The following SPATA31H1 variants were observed in gnomAD, a reference collection of about 807,000 sequenced individuals.
SPATA31H1 encodes SPATA31 subfamily H member 1.
the SPATA31H1 span, chr2:27,578,991 A>T: frequency 6.2e-6 from 10 of 1,614,060 alleles, no homozygotes; most frequent in Non-Finnish European, 8.5e-6. Context: ...GACAGCTAAC[A>T]TTGTGGAAAA....
chr2:27,575,038 A>C, the SPATA31H1 span: 8 of 398,456 alleles, frequency 2.0e-5, no homozygotes, highest in African/African-American at 6.2e-5. The surrounding 1 kb of genome is among the most constrained non-coding windows in gnomAD (Gnocchi z 4.1). Context: ...TCAACTTCAC[A>C]GTTACAAGAT....
chr2:27,580,707 A>C, the SPATA31H1 span: 1 of 1,614,242 alleles, frequency 6.2e-7, no homozygotes, highest in African/African-American at 1.3e-5. Flanking sequence ...TGTGGACGGG[A>C]CAAGGCCAGA....
At chr2:27,568,856 A>G in the SPATA31H1 span, 1 of 398,942 alleles carries the variant, frequency 2.5e-6, no homozygotes, top group Admixed American at 4.4e-5. Context: ...TTAAGGAAGT[A>G]AAAGCTGCAG....
At chr2:27,581,131 C>T in the SPATA31H1 span, 1 of 1,614,192 alleles carries the variant, frequency 6.2e-7, no homozygotes, top group Non-Finnish European at 8.5e-7. Context: ...CTACCTGGTT[C>T]CCCTGTGAAG....
At chr2:27,577,465 C>G in the SPATA31H1 span, 1 of 1,614,126 alleles carries the variant, frequency 6.2e-7, no homozygotes, top group Non-Finnish European at 8.5e-7. This position sits in a 1 kb window ranked among gnomAD's most constrained non-coding sequence, Gnocchi z 4.5. Flanking sequence ...CCAAAGCCAA[C>G]AAGTCAAGCC....
the SPATA31H1 span, chr2:27,580,468 AAC>A: frequency 6.2e-7 from 1 of 1,614,220 alleles, no homozygotes; most frequent in Non-Finnish European, 8.5e-7. Context: ...CGACTTAGAA[AAC>A]ACAGAAAGTT....
the SPATA31H1 span, chr2:27,574,703 A>G: frequency 1.7e-3 from 697 of 398,494 alleles, 4 homozygotes; most frequent in African/African-American, 0.013. Context: ...ACCATGGTCT[A>G]AAGTTACAAG....
the SPATA31H1 span, chr2:27,580,361 A>G: frequency 6.2e-7 from 1 of 1,614,114 alleles, no homozygotes; most frequent in Non-Finnish European, 8.5e-7. Context: ...ACAACCTACC[A>G]GAGAGTGACT....
the SPATA31H1 span, chr2:27,580,230 G>T: frequency 1.4e-5 from 23 of 1,614,022 alleles, no homozygotes; most frequent in Non-Finnish European, 1.9e-5. Flanking sequence ...TTTGCAGTCT[G>T]GGCCTTCCCA....
chr2:27,570,556 T>C, the SPATA31H1 span: 2 of 398,902 alleles, frequency 5.0e-6, no homozygotes, highest in Non-Finnish European at 8.9e-6. Context: ...ATGAAACAGG[T>C]AGGGCTTAAC....
the SPATA31H1 span, among the ~76,000 whole-genome samples, chr2:27,549,005 C>T: frequency 5.1e-5 from 7 of 137,272 alleles, no homozygotes; most frequent in East Asian, 2.2e-4. Context: ...ACCCAGGAGG[C>T]GGAAGTTGCA....
chr2:27,576,938 C>T, the SPATA31H1 span: 1 of 1,614,042 alleles, frequency 6.2e-7, no homozygotes, highest in South Asian at 1.1e-5. Context: ...CTGAACTAAT[C>T]CCTAGACCAG....
At chr2:27,543,124 A>C in the SPATA31H1 span, among the ~76,000 whole-genome samples, 1 of 151,084 alleles carries the variant, frequency 6.6e-6, no homozygotes, top group African/African-American at 2.4e-5. Context: ...ACACACACAA[A>C]CCCCCCAAAG....
chr2:27,568,440 G>A, the SPATA31H1 span: 1 of 399,012 alleles, frequency 2.5e-6, no homozygotes. Flanking sequence ...AATGATCTCA[G>A]CACCATTACA....
At chr2:27,565,394 A>C in the SPATA31H1 span, 3 of 717,278 alleles carry the variant, frequency 4.2e-6, no homozygotes, top group Admixed American at 6.0e-5. Flanking sequence ...GAGAGATCCT[A>C]TCCTTTACTC....
the SPATA31H1 span, among the ~76,000 whole-genome samples, chr2:27,540,149 C>T: frequency 8.2e-6 from 1 of 121,380 alleles, no homozygotes; most frequent in African/African-American, 3.2e-5. Context: ...GGGCTGACCC[C>T]CCCACCTCCC....
chr2:27,564,753 A>G, the SPATA31H1 span, among the ~76,000 whole-genome samples: 1 of 152,046 alleles, frequency 6.6e-6, no homozygotes, highest in South Asian at 2.1e-4. Flanking sequence ...CAGTGAGCCG[A>G]GATGGCACCA....
At chr2:27,581,333 G>A in the SPATA31H1 span, 1 of 1,613,962 alleles carries the variant, frequency 6.2e-7, no homozygotes, top group Non-Finnish European at 8.5e-7. Context: ...GTCCCTCTCA[G>A]AGGAGCCACT....
At chr2:27,554,571 T>G in the SPATA31H1 span, among the ~76,000 whole-genome samples, 1 of 150,644 alleles carries the variant, frequency 6.6e-6, no homozygotes, top group Admixed American at 6.6e-5. Context: ...GAGTTTTTTG[T>G]TTTTGTTTTG....
Sources: allele counts gnomAD v4.1 joint callset (sites outside exome capture counted in the v4.1 genomes callset), GRCh38; gene constraint gnomAD v4.1.1; non-coding constraint Gnocchi (gnomAD v3.1); transcripts MANE v1.5; gene names NCBI Gene and HGNC (gene_info 2026-07-23, HGNC 2026-07-21).